ZNF341: variants seen among roughly 807,000 people sequenced by gnomAD.
The protein encoded by ZNF341 is zinc finger protein 341.
In ZNF341, 52 loss-of-function variants were observed where a neutral mutation model predicts 87.7. The ratio of observed to expected loss-of-function variants is 0.59; its 90% CI spans 0.47 to 0.75. The LOEUF (loss-of-function observed/expected upper bound fraction) is 0.75, where lower values mean the gene tolerates loss of function less well. Among genes scored for constraint, ZNF341 ranks in the 30% least tolerant of loss-of-function variants. ZNF341 has a pLI of 0.00. For synonymous variants in ZNF341, 459 were observed against 472.7 expected (o/e 0.97, Z 0.38); for missense variants, 977 against 1,145.9 (o/e 0.85, Z 2.13).
intron 4 of ZNF341, among the ~76,000 whole-genome samples, chr20:33,751,422 A>G (rs547884285): frequency 6.6e-6 from 1 of 152,266 alleles, no homozygotes; most frequent in Non-Finnish European, 1.5e-5. Flanking sequence ...TGGAATCTGG[A>G]GGAATCCAGA....
intron 10 of ZNF341, 41 bp downstream of exon 10, chr20:33,770,333 G>A: frequency 6.8e-7 from 1 of 1,473,346 alleles, no homozygotes; most frequent in Non-Finnish European, 9.5e-7. Context: ...TGGACGGGTG[G>A]GTGGGCAGGG....
intron 2 of ZNF341, among the ~76,000 whole-genome samples, chr20:33,744,436 T>C (rs987271436): frequency 2.0e-5 from 3 of 151,504 alleles, no homozygotes; most frequent in East Asian, 1.9e-4. Context: ...ATGGGAGGAG[T>C]ATGATCAGGT....
chr20:33,763,189 T>G lies in ZNF341; in HGVS notation c.1222+1134T>G, dbSNP rs117373055. ...TTTAAGTTACATTCATTTAAAAAATTTTAGATTTAGAGGGTACATGTGCTT... is the reference window on the plus strand; with the variant it reads ...TTTAAGTTACATTCATTTAAAAAATGTTAGATTTAGAGGGTACATGTGCTT... On this transcript the variant is annotated intron_variant, in intron 8 of 14. Transcript: ENST00000375200. 2.8e-3 allele frequency among the ~76,000 whole-genome samples: 426 copies of G among 152,220 alleles called. 8 individuals carry two copies. The East Asian group carries it at 0.048, about 17-fold the overall frequency.
At chr20:33,763,985 A>G (rs2019345659) in intron 8 of ZNF341, among the ~76,000 whole-genome samples, 1 of 148,116 alleles carries the variant, frequency 6.8e-6, no homozygotes, top group Non-Finnish European at 1.5e-5. Flanking sequence ...GGAGTTCAAG[A>G]TCAGCCTGGG....
chr20:33,791,203 G>A lies in ZNF341; in HGVS notation c.2251G>A (p.Ala751Thr), dbSNP rs763001450. The A allele has an allele frequency of 2.5e-6, 4 of 1,612,562 alleles. No individual in the cohort carries two copies. Among genetic ancestry groups the A allele is most frequent in the East Asian group, 2.2e-5 (1 of 44,870 alleles). ...LQTRRPPQRR[A>T]APRSCGSGGR... ...AACCCGGCGGCCCCCCCAGAGGAGG[G>A]CAGCCCCCCGCAGTTGCGGCAGTGG... Residue 751 changes from alanine (A) to threonine (T), a missense_variant, in exon 15 of 15, where the codon GCA becomes ACA. By Grantham distance (58) the Ala-to-Thr change is moderately conservative. Transcript: ENST00000375200.
At position 33,758,814 on chromosome 20, in the gene ZNF341, T is replaced by G; in HGVS notation, c.1028+8T>G. The G allele has an allele frequency of 1.2e-6, 2 of 1,613,344 alleles. No homozygotes were observed. The highest frequency in any genetic ancestry group is 1.7e-6 in the Non-Finnish European group (2 of 1,179,616). On this transcript the variant is annotated splice_region_variant and intron_variant, in intron 7 of 14. Coordinates refer to ENST00000375200, the MANE Select transcript of ZNF341 (RefSeq NM_001282933.2). Reference sequence around the variant, plus strand: ...GCAGCAGCACATCCGAAGGTACACATGCGTGGTGAGGCAGGTGGCTCCTGG... The same window carrying G: ...GCAGCAGCACATCCGAAGGTACACAGGCGTGGTGAGGCAGGTGGCTCCTGG...
At chr20:33,751,427 T>A (rs1475165548) in intron 4 of ZNF341, among the ~76,000 whole-genome samples, 1 of 152,140 alleles carries the variant, frequency 6.6e-6, no homozygotes, top group Non-Finnish European at 1.5e-5. Context: ...TCTGGAGGAA[T>A]CCAGAGTTCT....
intron 10 of ZNF341, among the ~76,000 whole-genome samples, chr20:33,776,714 A>G (rs1333519875): frequency 1.3e-5 from 2 of 151,618 alleles, no homozygotes; most frequent in African/African-American, 4.9e-5. Context: ...ACAGAGTCTC[A>G]CTGTGTTGTC....
intron 12 of ZNF341, among the ~76,000 whole-genome samples, chr20:33,786,800 T>C (rs1017064163): frequency 1.3e-5 from 2 of 151,582 alleles, no homozygotes; most frequent in Non-Finnish European, 2.9e-5. Context: ...AAACCCCGTC[T>C]CTACTAAAAA....
chr20:33,791,616 C>A lies in ZNF341; in HGVS notation c.*99C>A. On this transcript the variant is annotated 3_prime_UTR_variant, in exon 15 of 15. Coordinates refer to ENST00000375200, the MANE Select transcript of ZNF341 (RefSeq NM_001282933.2). The stretch of plus-strand genomic sequence containing the variant: ...GTGATCCTTACCAGTGGAAGCGAGC[C>A]ATCGAGCCATTGGCAGAAATCCTGC... 1 of 1,315,936 alleles carries A rather than the reference C, an allele frequency of 7.6e-7. No individual in the cohort carries two copies. Among genetic ancestry groups the A allele is most frequent in the Non-Finnish European group, 1.0e-6 (1 of 995,878 alleles). 81.5% of individuals were successfully genotyped at this position (1,315,936 alleles called of 1,614,324 possible).
chr20:33,764,982 C>T (rs1183582283), intron 8 of ZNF341, among the ~76,000 whole-genome samples: 4 of 151,232 alleles, frequency 2.6e-5, no homozygotes, highest in Non-Finnish European at 4.4e-5. Context: ...CACCACTGCG[C>T]CTGGCTAATT....
chr20:33,785,311 T>A (rs1052896452), intron 12 of ZNF341, among the ~76,000 whole-genome samples: 1 of 152,168 alleles, frequency 6.6e-6, no homozygotes, highest in African/African-American at 2.4e-5. Context: ...AACAGTGTTT[T>A]CTATTTTGTC....
At position 33,745,265 on chromosome 20, in the gene ZNF341, C is replaced by T. The variant is rs531955993; in HGVS notation, c.305C>T (p.Ala102Val). The T allele has an allele frequency of 1.6e-4, 264 of 1,614,060 alleles. 2 individuals are homozygous for T. In the South Asian group the frequency reaches 2.4e-3, roughly 14 times the overall value. Residue 102 changes from alanine to valine, a missense_variant, in exon 3 of 15, where the codon GCG becomes GTG. By Grantham distance (64) the Ala-to-Val change is moderately conservative. Transcript: ENST00000375200. The stretch of plus-strand genomic sequence containing the variant: ...TACCCACCTTCGGCAGCACCCACAG[C>T]GGTCCAGCAGGCCCCAACTCCTGCC... Reference protein sequence around the residue: ...SIYPPSAAPTAVQQAPTPANR... With the variant: ...SIYPPSAAPTVVQQAPTPANR...
In ZNF341 at chr20:33,780,218, C is replaced by T. The variant is rs1372377078; in HGVS notation, c.1623-1073C>T. Among the ~76,000 whole-genome samples, 3 of 151,510 alleles carry T rather than the reference C, an allele frequency of 2.0e-5. No homozygotes were observed. The East Asian group carries it at 5.8e-4, about 29-fold the overall frequency. On this transcript the variant is annotated intron_variant, in intron 10 of 14. Coordinates refer to ENST00000375200, the MANE Select transcript of ZNF341 (RefSeq NM_001282933.2). ...GAACAGGAACAGCCAGTGCCAAGGCCCTGAGGTGGGAATGAGCCTGGTGTG... is the reference window on the plus strand; with the variant it reads ...GAACAGGAACAGCCAGTGCCAAGGCTCTGAGGTGGGAATGAGCCTGGTGTG...
chr20:33,750,399 G>A (rs528908683), intron 4 of ZNF341, among the ~76,000 whole-genome samples: 1 of 151,212 alleles, frequency 6.6e-6, no homozygotes, highest in African/African-American at 2.4e-5. Flanking sequence ...TTTTTTCCCT[G>A]TTTGGGAACC....
chr20:33,766,765 A>T, intron 8 of ZNF341, 86 bp from the exon 9 acceptor site: 3 of 1,435,498 alleles, frequency 2.1e-6, no homozygotes, highest in Middle Eastern at 2.0e-4. Context: ...TGCCGGGTGA[A>T]CACAGAGGAG....
intron 4 of ZNF341, 128 bp downstream of exon 4, chr20:33,749,200 G>C: frequency 7.6e-7 from 1 of 1,322,148 alleles, no homozygotes; most frequent in Non-Finnish European, 1.0e-6. Flanking sequence ...GAGGCTATCA[G>C]CTTTCCCTTG....
chr20:33,745,345 A>G, intron 3 of ZNF341, 46 bp downstream of exon 3: 1 of 1,569,984 alleles, frequency 6.4e-7, no homozygotes, highest in South Asian at 1.2e-5. Context: ...TGAGGGCCTA[A>G]CATGCTCAGG....
intron 9 of ZNF341, among the ~76,000 whole-genome samples, chr20:33,769,767 T>C (rs1005004177): frequency 6.6e-5 from 10 of 152,058 alleles, no homozygotes; most frequent in Non-Finnish European, 1.0e-4. Flanking sequence ...AAAAATTAGC[T>C]GGGCATGGTG....
Sources: allele counts gnomAD v4.1 joint callset (sites outside exome capture counted in the v4.1 genomes callset), GRCh38; gene constraint gnomAD v4.1.1; transcripts MANE v1.5; gene names NCBI Gene and HGNC (gene_info 2026-07-23, HGNC 2026-07-21).